CDH12: variants seen among roughly 807,000 people sequenced by gnomAD.
CDH12 encodes cadherin-12.
A neutral mutation model predicts 74.1 loss-of-function variants in CDH12; 41 were observed. The ratio of observed to expected loss-of-function variants is 0.55; its 90% CI spans 0.43 to 0.72. The LOEUF (loss-of-function observed/expected upper bound fraction) is 0.72, where lower values mean the gene tolerates loss of function less well. Ranked by LOEUF, CDH12 falls within the 30% of genes least tolerant of loss-of-function variation. CDH12 has a pLI of 0.00. For missense variants in CDH12, 945 were observed against 977.2 expected, an observed-to-expected ratio of 0.97 and a Z score of 0.44; for synonymous variants, 399 against 355.0, an observed-to-expected ratio of 1.12 and a Z score of -1.39.
At chr5:22,260,748 G>A (rs1402062005) in intron 3 of CDH12, among the ~76,000 whole-genome samples, 1 of 151,990 alleles carries the variant, frequency 6.6e-6, no homozygotes, top group East Asian at 1.9e-4. Context: ...AATTAGATCA[G>A]TGCCTTAACG....
At chr5:21,928,284 A>C (rs1280008320) in intron 6 of CDH12, among the ~76,000 whole-genome samples, 3 of 152,120 alleles carry the variant, frequency 2.0e-5, no homozygotes, top group African/African-American at 4.8e-5. Context: ...ACAAAAGAAA[A>C]ATGATCCAGA....
chr5:22,190,945 C>T (rs1339330651), intron 4 of CDH12, among the ~76,000 whole-genome samples: 3 of 152,206 alleles, frequency 2.0e-5, no homozygotes, highest in East Asian at 1.9e-4. Flanking sequence ...CTATGTATTT[C>T]GCTCCCTTGC....
chr5:22,609,846 A>T (rs1287961932), intron 1 of CDH12, among the ~76,000 whole-genome samples: 1 of 152,230 alleles, frequency 6.6e-6, no homozygotes, highest in Non-Finnish European at 1.5e-5. Context: ...TGTTAGAGTA[A>T]GTCAAATAAA....
chr5:22,775,883 G>A (rs146683014), intron 1 of CDH12, among the ~76,000 whole-genome samples: 223 of 152,062 alleles, frequency 1.5e-3, no homozygotes, highest in African/African-American at 5.1e-3. Context: ...TTTGGGGGCC[G>A]GTCTTTCCCA....
intron 1 of CDH12, among the ~76,000 whole-genome samples, chr5:22,527,038 T>C (rs1402800313): frequency 1.3e-5 from 2 of 152,170 alleles, no homozygotes; most frequent in East Asian, 1.9e-4. Context: ...CTCTGACTGG[T>C]GGGCTACAGT....
chr5:22,334,188 A>G (rs1739466222), intron 3 of CDH12, among the ~76,000 whole-genome samples: 1 of 152,092 alleles, frequency 6.6e-6, no homozygotes, highest in African/African-American at 2.4e-5. Context: ...AAGTCAAATT[A>G]TCTGTGTTTT....
Position 21,756,875 on chromosome 5 carries a change from T to A in CDH12, c.1634-1033A>T, listed in dbSNP as rs756677925. ...CAGACTTTAAATTCAACCACTGAAATTGAGGCAGGTTCTTCAGCAATAGGA... is the reference window on the plus strand; with the variant it reads ...CAGACTTTAAATTCAACCACTGAAAATGAGGCAGGTTCTTCAGCAATAGGA... On this transcript the variant is annotated intron_variant, in intron 13 of 14. Transcript: ENST00000382254. 2.6e-5 allele frequency among the ~76,000 whole-genome samples: 4 copies of A among 152,322 alleles called. No homozygotes were observed. The East Asian group carries it at 7.7e-4, about 29-fold the overall frequency.
At chr5:22,748,993 A>C (rs562696715) in intron 1 of CDH12, among the ~76,000 whole-genome samples, 27 of 152,306 alleles carry the variant, frequency 1.8e-4, no homozygotes, top group Middle Eastern at 3.4e-3. Context: ...CCTATGATAG[A>C]GACATCATTG....
chr5:21,791,056 C>A (rs1463373382), intron 10 of CDH12, among the ~76,000 whole-genome samples: 1 of 151,990 alleles, frequency 6.6e-6, no homozygotes, highest in Non-Finnish European at 1.5e-5. Context: ...TTTATATCTT[C>A]TGGAATATAG....
intron 6 of CDH12, among the ~76,000 whole-genome samples, chr5:21,863,639 A>T (rs1022113133): frequency 2.6e-5 from 4 of 152,174 alleles, no homozygotes; most frequent in Admixed American, 6.5e-5. Flanking sequence ...TATGATCTTT[A>T]GAGTCATTTT....
chr5:22,795,366 G>T (rs1748140987), intron 1 of CDH12, among the ~76,000 whole-genome samples: 1 of 152,036 alleles, frequency 6.6e-6, no homozygotes, highest in Non-Finnish European at 1.5e-5. Flanking sequence ...TACAATGAAA[G>T]AACCTTCTTC....
intron 3 of CDH12, among the ~76,000 whole-genome samples, chr5:22,223,743 T>C (rs1371555117): frequency 6.6e-6 from 1 of 151,792 alleles, no homozygotes. Flanking sequence ...GCATCATTAG[T>C]GTAGGAGAGG....
At chr5:22,713,962 T>C (rs1743432214) in intron 1 of CDH12, among the ~76,000 whole-genome samples, 1 of 152,198 alleles carries the variant, frequency 6.6e-6, no homozygotes, top group South Asian at 2.1e-4. Context: ...AGGTATTAAT[T>C]CAATGTTAAG....
chr5:21,924,544 AAAT>A (rs1754504494), intron 6 of CDH12, among the ~76,000 whole-genome samples: 1 of 15,720 alleles, frequency 6.4e-5, no homozygotes, highest in African/African-American at 7.7e-5. Context: ...ATACATAAAT[AAAT>A]AAATAAATAA....
intron 3 of CDH12, among the ~76,000 whole-genome samples, chr5:22,372,628 C>T (rs1032064498): frequency 6.6e-6 from 1 of 152,032 alleles, no homozygotes; most frequent in African/African-American, 2.4e-5. Flanking sequence ...TTTCACACAT[C>T]TCGAAAACAA....
At chr5:22,414,777 C>T (rs1030036512) in intron 2 of CDH12, among the ~76,000 whole-genome samples, 3 of 151,604 alleles carry the variant, frequency 2.0e-5, no homozygotes, top group Non-Finnish European at 2.9e-5. Context: ...AAATGAAATG[C>T]AGTTTTGGAC....
At chr5:21,781,350 C>T (rs1469168350) in intron 11 of CDH12, among the ~76,000 whole-genome samples, 1 of 152,138 alleles carries the variant, frequency 6.6e-6, no homozygotes, top group African/African-American at 2.4e-5. Flanking sequence ...GAGCCCCCAA[C>T]AGCAAATAAT....
chr5:22,326,287 T>G (rs1437364235), intron 3 of CDH12, among the ~76,000 whole-genome samples: 8 of 151,822 alleles, frequency 5.3e-5, no homozygotes, highest in Admixed American at 3.3e-4. Context: ...CAGGCTGGAG[T>G]GCAGTGGCGC....
chr5:22,626,261 C>CA (rs1469720981), intron 1 of CDH12, among the ~76,000 whole-genome samples: 1 of 152,228 alleles, frequency 6.6e-6, no homozygotes, highest in Non-Finnish European at 1.5e-5. Flanking sequence ...CCTGATGCAT[C>CA]ACTGCAGCTT....
Sources: gnomAD v4.1 joint callset for allele counts (sites outside exome capture counted in the v4.1 genomes callset) on GRCh38, gnomAD v4.1.1 for gene constraint, MANE v1.5 for transcripts, NCBI Gene and HGNC (gene_info 2026-07-23, HGNC 2026-07-21) for gene names.